SMAD6: variants seen among roughly 807,000 people sequenced by gnomAD.
The protein encoded by SMAD6 is SMAD family member 6, also known as MAD homolog 6.
A neutral mutation model predicts 39.4 loss-of-function variants in SMAD6; 103 were observed. The observed-to-expected ratio is 2.62, with a 90% confidence interval of 2.23 to 3.08. The LOEUF (loss-of-function observed/expected upper bound fraction) is 3.08, where lower values mean the gene tolerates loss of function less well. Ranked by LOEUF, SMAD6 falls within the 30% of genes most tolerant of loss-of-function variation. The pLI, the probability that SMAD6 is intolerant of heterozygous loss-of-function variation, is 0.00. For missense variants in SMAD6, 1,104 were observed against 742.9 expected (o/e 1.49, Z -5.65); for synonymous variants, 445 against 353.3 (o/e 1.26, Z -2.91).
intron 3 of SMAD6, chr15:66,740,891 AG>A (rs1161151029): frequency 1.3e-5 from 2 of 152,186 alleles, no homozygotes; most frequent in Non-Finnish European, 2.9e-5. Context: ...TGACTTTCTG[AG>A]ATCCCTGGAG....
intron 3 of SMAD6, among the ~76,000 whole-genome samples, chr15:66,736,868 C>T (rs1203851261): frequency 6.6e-6 from 1 of 152,150 alleles, no homozygotes; most frequent in South Asian, 2.1e-4. Flanking sequence ...CGGGGTTTCA[C>T]CATGTTGGCC....
intron 3 of SMAD6, chr15:66,741,287 AGATTGGGCTACTATACCCCATTT>A (rs1182080226): frequency 6.6e-6 from 1 of 152,224 alleles, no homozygotes; most frequent in Non-Finnish European, 1.5e-5. Context: ...ATCTGCCAGA[AGATTGGGCTACTATACCCCATTT>A]GAGGTGGTTT....
At chr15:66,731,640 C>T (rs1227237724) in intron 3 of SMAD6, among the ~76,000 whole-genome samples, 1 of 152,120 alleles carries the variant, frequency 6.6e-6, no homozygotes, top group Non-Finnish European at 1.5e-5. Context: ...CATGTTGTTT[C>T]TTGGATGGAC....
chr15:66,768,464 C>T (rs1371931996), intron 3 of SMAD6, among the ~76,000 whole-genome samples: 1 of 152,226 alleles, frequency 6.6e-6, no homozygotes, highest in African/African-American at 2.4e-5. Context: ...GTTCCATTTA[C>T]TTTCATAGAC....
chr15:66,770,953 A>G (rs1449623441), intron 3 of SMAD6, among the ~76,000 whole-genome samples: 43 of 152,220 alleles, frequency 2.8e-4, no homozygotes, highest in Non-Finnish European at 2.9e-5. Flanking sequence ...CTCTACCACC[A>G]GCCTCCGCGT....
chr15:66,749,373 G>A (rs756746846), intron 3 of SMAD6, among the ~76,000 whole-genome samples: 1 of 152,154 alleles, frequency 6.6e-6, no homozygotes, highest in African/African-American at 2.4e-5. Context: ...CAAGAGAATC[G>A]ATTGAACCTT....
In SMAD6 at chr15:66,781,068, C is replaced by T. The variant is rs1333091798; in HGVS notation, c.1024C>T (p.Arg342Cys). ...CSVAYWEHRT[R>C]VGRLYAVYDQ... ...CGTGGCGTACTGGGAGCACCGGACG[C>T]GCGTGGGCCGCCTCTATGCGGTGTA... The change falls in exon 4 of 4, where the codon CGC becomes TGC. Residue 342 changes from arginine (R) to cysteine (C), a missense_variant. Physicochemically the swap from Arg to Cys is radical, Grantham distance 180 (BLOSUM62 -3). Transcript: ENST00000288840. 2.5e-6 allele frequency: 4 copies of T among 1,604,498 alleles called. No individual in the cohort carries two copies. Among genetic ancestry groups the T allele is most frequent in the Admixed American group, 1.7e-5 (1 of 59,736 alleles).
chr15:66,761,261 C>T (rs1255900153), intron 3 of SMAD6, among the ~76,000 whole-genome samples: 1 of 152,174 alleles, frequency 6.6e-6, no homozygotes, highest in Non-Finnish European at 1.5e-5. Context: ...TCTAGCAGCC[C>T]CGTACAATGG....
intron 3 of SMAD6, chr15:66,717,625 C>G (rs1893356045): frequency 2.7e-6 from 1 of 373,496 alleles, no homozygotes; most frequent in Non-Finnish European, 5.5e-6. Context: ...TTCCCCAGCC[C>G]AGAGCCTTTG....
intron 3 of SMAD6, among the ~76,000 whole-genome samples, chr15:66,718,059 A>T (rs576869948): frequency 3.3e-5 from 5 of 150,622 alleles, no homozygotes; most frequent in African/African-American, 4.9e-5. Context: ...GTCTGGACAG[A>T]TGGGTAATTT....
chr15:66,720,826 G>T (rs947431449), intron 3 of SMAD6, among the ~76,000 whole-genome samples: 1 of 152,216 alleles, frequency 6.6e-6, no homozygotes, highest in Non-Finnish European at 1.5e-5. Flanking sequence ...GTAAGGCATG[G>T]TCTAAGCTGC....
chr15:66,774,891 C>T (rs1195813045), intron 3 of SMAD6, among the ~76,000 whole-genome samples: 5 of 145,678 alleles, frequency 3.4e-5, no homozygotes, highest in East Asian at 2.0e-4. Context: ...GACGGAGTTT[C>T]GCTCTTGTTG....
intron 3 of SMAD6, among the ~76,000 whole-genome samples, chr15:66,753,065 C>G (rs903958825): frequency 1.3e-5 from 2 of 152,180 alleles, no homozygotes; most frequent in Non-Finnish European, 2.9e-5. Flanking sequence ...TTCATTATTG[C>G]CATTTTGCAG....
chr15:66,747,221 G>A lies in SMAD6; in HGVS notation c.952+30723G>A, dbSNP rs1893922785. Among the ~76,000 whole-genome samples, 1 of 152,268 alleles carries A rather than the reference G, an allele frequency of 6.6e-6. No homozygotes were observed. The highest frequency in any genetic ancestry group is 1.5e-5 in the Non-Finnish European group (1 of 68,054). ...AATGAGGCTTGGCCAGAGGTTGCGT[G>A]GTTTGCTGTGTTTGCATGGCCAGGC... On this transcript the variant is annotated intron_variant, in intron 3 of 3. Coordinates refer to ENST00000288840, the MANE Select transcript of SMAD6 (RefSeq NM_005585.5). The surrounding 1 kb of genome is among the most constrained non-coding windows in gnomAD (Gnocchi z 4.5).
chr15:66,712,581 C>T (rs1262037346), intron 2 of SMAD6, among the ~76,000 whole-genome samples: 2 of 151,324 alleles, frequency 1.3e-5, no homozygotes, highest in African/African-American at 4.9e-5. Context: ...ATTCCAGCTA[C>T]TCAGGAGGCT....
intron 1 of SMAD6, chr15:66,706,467 T>C (rs542844871): frequency 6.6e-6 from 1 of 152,414 alleles, no homozygotes; most frequent in East Asian, 1.9e-4. Context: ...ATGTGCCAGG[T>C]TGATCCTCTT....
At chr15:66,745,101 C>G (rs1893884346) in intron 3 of SMAD6, among the ~76,000 whole-genome samples, 1 of 152,136 alleles carries the variant, frequency 6.6e-6, no homozygotes, top group Non-Finnish European at 1.5e-5. Flanking sequence ...TCCCCAAAAC[C>G]TCTTAGCAGG....
In SMAD6 at chr15:66,781,065, A is replaced by C; in HGVS notation, c.1021A>C (p.Thr341Pro). The change falls in exon 4 of 4, where the codon ACG becomes CCG. Residue 341 changes from threonine (T) to proline (P), a missense_variant. Thr to Pro is a conservative substitution (Grantham distance 38). Transcript: ENST00000288840. Reference protein sequence around the residue: ...WCSVAYWEHRTRVGRLYAVYD... With the variant: ...WCSVAYWEHRPRVGRLYAVYD... ...CAGCGTGGCGTACTGGGAGCACCGG[A>C]CGCGCGTGGGCCGCCTCTATGCGGT... 2.5e-6 allele frequency: 4 copies of C among 1,604,242 alleles called. No homozygotes were observed. Among genetic ancestry groups the C allele is most frequent in the Non-Finnish European group, 3.4e-6 (4 of 1,178,586 alleles).
At chr15:66,728,087 A>G (rs1320309156) in intron 3 of SMAD6, among the ~76,000 whole-genome samples, 1 of 152,126 alleles carries the variant, frequency 6.6e-6, no homozygotes. Context: ...TCCCGAACTC[A>G]GGTGATCCAC....
Sources: gnomAD v4.1 joint callset for allele counts (sites outside exome capture counted in the v4.1 genomes callset) on GRCh38, gnomAD v4.1.1 for gene constraint, Gnocchi (gnomAD v3.1) non-coding constraint, MANE v1.5 for transcripts, NCBI Gene and HGNC (gene_info 2026-07-23, HGNC 2026-07-21) for gene names.